The following CD2 variants were observed in gnomAD, a reference collection of about 807,000 sequenced individuals.
CD2 encodes the protein T-cell surface antigen CD2.
A neutral mutation model predicts 23.2 loss-of-function variants in CD2; 18 were observed. The ratio of observed to expected loss-of-function variants is 0.77; its 90% CI spans 0.54 to 1.15. CD2 has a LOEUF of 1.15. Among genes scored for constraint, CD2 ranks in the 50% most tolerant of loss-of-function variants. CD2 has a pLI of 0.00. For missense variants in CD2, 424 were observed against 423.1 expected (o/e 1.00, Z -0.02); for synonymous variants, 162 against 151.9 (o/e 1.07, Z -0.49).
At position 116,754,885 on chromosome 1, in the gene CD2, A is replaced by G; in HGVS notation, c.316A>G (p.Lys106Glu). 1.9e-6 allele frequency: 3 copies of G among 1,610,830 alleles called. No homozygotes were observed. Among genetic ancestry groups the G allele is most frequent in the Non-Finnish European group, 2.5e-6 (3 of 1,177,798 alleles). ...HLKTDDQDIY[K>E]VSIYDTKGKN... is the part of the protein sequence containing the mutation. ...GAAGACCGATGATCAGGATATCTACAAGGTATCAATATATGATACAAAAGG... is the reference window on the plus strand; with the variant it reads ...GAAGACCGATGATCAGGATATCTACGAGGTATCAATATATGATACAAAAGG... The change falls in exon 2 of 5, where the codon AAG (lysine) becomes GAG (glutamate). Residue 106 changes from lysine to glutamate, a missense_variant. Lys to Glu is a moderately conservative substitution (Grantham distance 56). Transcript: ENST00000369478.
chr1:116,759,528 C>T (rs1308972590), intron 2 of CD2, among the ~76,000 whole-genome samples: 1 of 152,070 alleles, frequency 6.6e-6, no homozygotes, highest in Admixed American at 6.6e-5. Context: ...TAGGCCTAGG[C>T]ATTTTCCTTT....
intron 3 of CD2, among the ~76,000 whole-genome samples, chr1:116,762,312 G>T (rs1030369598): frequency 2.0e-5 from 3 of 151,714 alleles, no homozygotes; most frequent in Non-Finnish European, 4.4e-5. Flanking sequence ...TTTAACTGGA[G>T]CCCACAAGTA....
intron 2 of CD2, 67 bp downstream of exon 2, chr1:116,755,018 A>G (rs1651793050): frequency 9.1e-7 from 1 of 1,093,358 alleles, no homozygotes; most frequent in Middle Eastern, 3.1e-4. Context: ...GGAAAATAGC[A>G]TTTCTAATAT....
Position 116,768,786 on chromosome 1 carries a change from A to T in CD2, c.*3A>T, listed in dbSNP as rs1385487900. The T allele has an allele frequency of 6.2e-7, 1 of 1,605,888 alleles. No homozygotes were observed. The highest frequency in any genetic ancestry group is 1.7e-5 in the Admixed American group (1 of 58,366). On this transcript the variant is annotated 3_prime_UTR_variant, in exon 5 of 5. Transcript: ENST00000369478. Reference sequence around the variant, plus strand: ...CATTGTCCCCTTCCTCTAATTAAAAAAGATAGAAACTGTCTTTTTCAATAA... The same window carrying T: ...CATTGTCCCCTTCCTCTAATTAAAATAGATAGAAACTGTCTTTTTCAATAA...
intron 2 of CD2, 66 bp downstream of exon 2, chr1:116,755,017 C>A (rs1179449742): frequency 8.9e-7 from 1 of 1,118,788 alleles, no homozygotes; most frequent in Non-Finnish European, 1.3e-6. Context: ...TGGAAAATAG[C>A]ATTTCTAATA....
At chr1:116,766,695 TA>T (rs35501785) in intron 4 of CD2, among the ~76,000 whole-genome samples, 25 of 148,426 alleles carry the variant, frequency 1.7e-4, no homozygotes, top group Admixed American at 2.0e-4. Flanking sequence ...GTCTCTACTT[TA>T]AAAAAAAAAC....
chr1:116,760,603 A>G lies in CD2; in HGVS notation c.584A>G (p.Glu195Gly). The change falls in exon 3 of 5, where the codon GAA (glutamate) becomes GGA (glycine). Residue 195 changes from glutamate (E) to glycine (G), a missense_variant. By Grantham distance (98) the Glu-to-Gly change is moderately conservative. Transcript: ENST00000369478. ...KCTAGNKVSK[E>G]SSVEPVSCPE... Reference sequence around the variant, plus strand: ...ACAGCAGGGAACAAAGTCAGCAAGGAATCCAGTGTCGAGCCTGTCAGCTGT... The same window carrying G: ...ACAGCAGGGAACAAAGTCAGCAAGGGATCCAGTGTCGAGCCTGTCAGCTGT... 1 of 1,614,238 alleles carries G rather than the reference A, an allele frequency of 6.2e-7. No homozygotes were observed. Among genetic ancestry groups the G allele is most frequent in the African/African-American group, 1.3e-5 (1 of 75,068 alleles).
chr1:116,769,167 G>GA lies in CD2; in HGVS notation c.*384_*385insA. 5.9e-6 allele frequency: 1 copy of GA among 170,852 alleles called. No homozygotes were observed. Among genetic ancestry groups the GA allele is most frequent in the South Asian group, 1.8e-4 (1 of 5,650 alleles). 10.6% of individuals were successfully genotyped at this position (170,852 alleles called of 1,614,324 possible). On this transcript the variant is annotated 3_prime_UTR_variant, in exon 5 of 5. Transcript: ENST00000369478. ...CTTAAGAGACTCTGGAGTTTCTTAT[G>GA]TGCCCTGGTGGACACTTGCCCACCA...
At position 116,754,567 on chromosome 1, in the gene CD2, T is replaced by A; in HGVS notation, c.61+14T>A. The A allele has an allele frequency of 6.2e-7, 1 of 1,612,310 alleles. No individual in the cohort carries two copies. Among genetic ancestry groups the A allele is most frequent in the South Asian group, 1.1e-5 (1 of 90,642 alleles). ...TTTCTTCCAAAGGTAAGCATAAGAG[T>A]CAAAGAAGTCCCAACCCAGCTTTCC... On this transcript the variant is annotated intron_variant, in intron 1 of 4. Coordinates refer to ENST00000369478, the MANE Select transcript of CD2 (RefSeq NM_001767.5).
In CD2 at chr1:116,767,496, C is replaced by T. The variant is rs556846670; in HGVS notation, c.737-968C>T. Among the ~76,000 whole-genome samples the T allele has an allele frequency of 2.0e-5, 3 of 150,222 alleles. No homozygotes were observed. The East Asian group carries it at 5.9e-4, about 29-fold the overall frequency. On this transcript the variant is annotated intron_variant, in intron 4 of 4. Coordinates refer to ENST00000369478, the MANE Select transcript of CD2 (RefSeq NM_001767.5). ...ATCCCAGCTACTCAGGAGGCCGAGG[C>T]AGGAGAATTGTTTGAACCTGGGAGG...
intron 3 of CD2, among the ~76,000 whole-genome samples, chr1:116,763,460 G>A (rs1049952141): frequency 2.0e-5 from 3 of 152,120 alleles, no homozygotes; most frequent in African/African-American, 7.2e-5. Context: ...TTTTCTAACT[G>A]CTATTGACTC....
intron 3 of CD2, among the ~76,000 whole-genome samples, chr1:116,763,039 A>G (rs1205155344): frequency 1.3e-5 from 2 of 152,234 alleles, no homozygotes; most frequent in African/African-American, 2.4e-5. Flanking sequence ...TCTCAAGCTC[A>G]GCAGGAAGTG....
At chr1:116,760,380 T>A (rs773388806) in intron 2 of CD2, 22 bp from the exon 3 acceptor site, 1 of 1,597,518 alleles carries the variant, frequency 6.3e-7, no homozygotes, top group Non-Finnish European at 8.6e-7. Flanking sequence ...TAAATTGAAC[T>A]GAATCTTTAC....
chr1:116,760,058 C>T (rs1274027556), intron 2 of CD2, among the ~76,000 whole-genome samples: 3 of 152,254 alleles, frequency 2.0e-5, no homozygotes, highest in African/African-American at 7.2e-5. Flanking sequence ...CCTCTCAGAG[C>T]CTTGAACATT....
chr1:116,755,135 C>G (rs1651799367), intron 2 of CD2, 184 bp downstream of exon 2: 2 of 601,488 alleles, frequency 3.3e-6, no homozygotes, highest in African/African-American at 3.7e-5. Context: ...ATCCACACAT[C>G]TGATAGACCC....
chr1:116,757,608 A>G (rs895849575), intron 2 of CD2, among the ~76,000 whole-genome samples: 2 of 152,224 alleles, frequency 1.3e-5, no homozygotes, highest in Non-Finnish European at 2.9e-5. Flanking sequence ...TTAAGAATGC[A>G]TCCTTTAAAA....
intron 4 of CD2, among the ~76,000 whole-genome samples, chr1:116,767,759 G>C (rs1034008369): frequency 1.3e-5 from 2 of 152,178 alleles, no homozygotes; most frequent in African/African-American, 4.8e-5. Context: ...GCCTCTAGCA[G>C]CTGGGCACCT....
chr1:116,764,223 C>G (rs370415391), intron 3 of CD2, among the ~76,000 whole-genome samples: 1 of 152,094 alleles, frequency 6.6e-6, no homozygotes, highest in Non-Finnish European at 1.5e-5. Context: ...GTGGGCAGGC[C>G]GGCCTTGGTG....
chr1:116,768,688 C>A lies in CD2; in HGVS notation c.961C>A (p.His321Asn), dbSNP rs761791386. The A allele has an allele frequency of 6.2e-7, 1 of 1,614,156 alleles. No homozygotes were observed. Among genetic ancestry groups the A allele is most frequent in the East Asian group, 2.2e-5 (1 of 44,870 alleles). ...TCCTGCTCCGTCGGGCACACAAGTT[C>A]ACCAGCAGAAAGGCCCGCCCCTCCC... ...RPPAPSGTQVHQQKGPPLPRP... is the reference protein window; with the variant it reads ...RPPAPSGTQVNQQKGPPLPRP... The change falls in exon 5 of 5, where the codon CAC (histidine) becomes AAC (asparagine). Residue 321 changes from histidine (H) to asparagine (N), a missense_variant. His to Asn is a moderately conservative substitution (Grantham distance 68, BLOSUM62 1). Transcript: ENST00000369478.
Sources: allele counts gnomAD v4.1 joint callset (sites outside exome capture counted in the v4.1 genomes callset), GRCh38; gene constraint gnomAD v4.1.1; transcripts MANE v1.5; gene names NCBI Gene and HGNC (gene_info 2026-07-23, HGNC 2026-07-21).